The following PHF21B variants were observed in gnomAD, a reference collection of about 807,000 sequenced individuals.
PHF21B encodes the protein PHD finger protein 4.
A neutral mutation model predicts 62.2 loss-of-function variants in PHF21B; 22 were observed. The observed-to-expected ratio is 0.35, with a 90% CI of 0.25 to 0.51. The LOEUF is 0.51. Among genes scored for constraint, PHF21B ranks in the 20% least tolerant of loss-of-function variants. PHF21B has a pLI of 0.97. For missense variants in PHF21B, 701 were observed against 707.9 expected, an observed-to-expected ratio of 0.99 and a Z score of 0.11; for synonymous variants, 341 against 314.7, an observed-to-expected ratio of 1.08 and a Z score of -0.88.
rs1046219985 is a variant in PHF21B at position 44,975,621 on chromosome 22, G to A, written c.120+32924C>T. Among the ~76,000 whole-genome samples, 16 of 152,298 alleles carry A rather than the reference G, an allele frequency of 1.1e-4. 1 individual carries two copies. The highest frequency in any genetic ancestry group is 6.5e-4 in the Admixed American group (10 of 15,310). On this transcript the variant is annotated intron_variant, in intron 2 of 12. Coordinates refer to ENST00000313237, the MANE Select transcript of PHF21B (RefSeq NM_138415.5). ...CTTCTTCCAGCTCATCTCAGCCTAC[G>A]AGGAAGGCAGGAGGGAACCCAGGCT...
chr22:44,924,830 C>A (rs1039883049), intron 2 of PHF21B, among the ~76,000 whole-genome samples: 1 of 152,200 alleles, frequency 6.6e-6, no homozygotes, highest in Non-Finnish European at 1.5e-5. Context: ...AGGGAAGGCA[C>A]GTGTTCATAC....
chr22:44,885,949 G>A lies in PHF21B; in HGVS notation c.1198-11C>T. On this transcript the variant is annotated splice_polypyrimidine_tract_variant and intron_variant, in intron 10 of 12. Transcript: ENST00000313237. ...GTCTTTCTTTAAGGCCTGGGGAGCAGACGGGGAGATGAAAAAGTGGACAGG... is the reference window on the plus strand; with the variant it reads ...GTCTTTCTTTAAGGCCTGGGGAGCAAACGGGGAGATGAAAAAGTGGACAGG... The A allele has an allele frequency of 6.2e-7, 1 of 1,613,570 alleles. No individual in the cohort carries two copies. Among genetic ancestry groups the A allele is most frequent in the Non-Finnish European group, 8.5e-7 (1 of 1,179,786 alleles).
At chr22:44,916,247 C>A (rs112597407) in intron 4 of PHF21B, 33 bp downstream of exon 4, 2 of 1,592,638 alleles carry the variant, frequency 1.3e-6, no homozygotes, top group Non-Finnish European at 1.7e-6. Context: ...TGCGGCCGCA[C>A]ACCCTTTCCG....
intron 2 of PHF21B, among the ~76,000 whole-genome samples, chr22:44,994,431 G>A (rs930326971): frequency 3.3e-5 from 5 of 152,370 alleles, no homozygotes; most frequent in East Asian, 3.9e-4. Flanking sequence ...TCCAGAAGCC[G>A]CCAGGGGCTG....
chr22:44,898,195 C>A (rs985832815), intron 5 of PHF21B, among the ~76,000 whole-genome samples: 1 of 152,086 alleles, frequency 6.6e-6, no homozygotes, highest in Non-Finnish European at 1.5e-5. Flanking sequence ...CTCAGCTTGT[C>A]TTTTTTTGGT....
intron 2 of PHF21B, among the ~76,000 whole-genome samples, chr22:44,970,266 T>C (rs1224389289): frequency 2.0e-5 from 3 of 152,248 alleles, no homozygotes; most frequent in Admixed American, 6.5e-5. Context: ...TGTGACCTGC[T>C]CTGCACAGAA....
Position 45,009,390 on chromosome 22 carries a change from C to A in PHF21B, c.54+106G>T. 1 of 1,217,360 alleles carries A rather than the reference C, an allele frequency of 8.2e-7. No individual in the cohort carries two copies. Among genetic ancestry groups the A allele is most frequent in the Admixed American group, 2.8e-5 (1 of 35,186 alleles). The allele number at this position is 1,217,360 out of a possible 1,614,324, so 75.4% of individuals were successfully genotyped here. ...CCCCCGCCCCCGGGCAGGCTCCAGC[C>A]TGGAAGACCCAGAGACCCGGAAGAG... is the stretch of plus-strand genomic sequence containing the variant. On this transcript the variant is annotated intron_variant, in intron 1 of 12. Coordinates refer to ENST00000313237, the MANE Select transcript of PHF21B (RefSeq NM_138415.5). The surrounding 1 kb of genome is among the most constrained non-coding windows in gnomAD (Gnocchi z 5.9).
chr22:44,974,697 G>A (rs1396894955), intron 2 of PHF21B, among the ~76,000 whole-genome samples: 1 of 152,192 alleles, frequency 6.6e-6, no homozygotes, highest in Non-Finnish European at 1.5e-5. Context: ...AATTGGAGGA[G>A]AAAGAGAGCT....
chr22:44,993,687 G>T (rs892233966), intron 2 of PHF21B, among the ~76,000 whole-genome samples: 5 of 152,222 alleles, frequency 3.3e-5, no homozygotes, highest in African/African-American at 1.2e-4. Flanking sequence ...GAGCAACTTG[G>T]ACTCTTTACT....
intron 2 of PHF21B, among the ~76,000 whole-genome samples, chr22:44,939,865 C>T (rs1216862129): frequency 6.6e-6 from 1 of 152,062 alleles, no homozygotes; most frequent in Non-Finnish European, 1.5e-5. Context: ...GCAGGGAGAC[C>T]AGGAGGAGGT....
intron 5 of PHF21B, among the ~76,000 whole-genome samples, chr22:44,907,608 G>A (rs866356593): frequency 6.6e-6 from 1 of 152,214 alleles, no homozygotes; most frequent in African/African-American, 2.4e-5. Flanking sequence ...CAAAAGGACA[G>A]GCCCTTCAAG....
intron 5 of PHF21B, chr22:44,902,341 T>C: frequency 2.9e-6 from 1 of 341,654 alleles, no homozygotes; most frequent in Non-Finnish European, 5.9e-6. Flanking sequence ...TTTTACTGAG[T>C]ATCAAAGCTA....
At chr22:44,956,708 C>T (rs986321317) in intron 2 of PHF21B, among the ~76,000 whole-genome samples, 6 of 152,104 alleles carry the variant, frequency 3.9e-5, no homozygotes, top group Non-Finnish European at 5.9e-5. Flanking sequence ...GCCTGACCAC[C>T]GGAAAGGCCC....
chr22:44,992,636 G>A (rs998197274), intron 2 of PHF21B, among the ~76,000 whole-genome samples: 7 of 152,248 alleles, frequency 4.6e-5, no homozygotes, highest in African/African-American at 1.7e-4. Context: ...TCAGCCTGAG[G>A]CCGGCTCTGG....
At chr22:44,997,909 C>T (rs1190914184) in intron 2 of PHF21B, among the ~76,000 whole-genome samples, 1 of 152,240 alleles carries the variant, frequency 6.6e-6, no homozygotes, top group Non-Finnish European at 1.5e-5. Context: ...AAATTGCCAT[C>T]TCTCAGCTCC....
At chr22:44,914,464 G>A (rs1191127958) in intron 4 of PHF21B, among the ~76,000 whole-genome samples, 3 of 152,224 alleles carry the variant, frequency 2.0e-5, no homozygotes, top group Non-Finnish European at 2.9e-5. Context: ...GCACACTCAG[G>A]CGGCGAGGAC....
chr22:44,898,821 G>A (rs1257378806), intron 5 of PHF21B, among the ~76,000 whole-genome samples: 6 of 152,190 alleles, frequency 3.9e-5, no homozygotes, highest in South Asian at 2.1e-4. Flanking sequence ...TGGTGTGCCC[G>A]GTGTGAAGTC....
chr22:44,951,123 GT>G (rs566420801), intron 2 of PHF21B, among the ~76,000 whole-genome samples: 8 of 152,124 alleles, frequency 5.3e-5, no homozygotes, highest in Non-Finnish European at 1.2e-4. Context: ...CACAGATATG[GT>G]TTTGATATGA....
chr22:44,984,023 T>A (rs1478531399), intron 2 of PHF21B, among the ~76,000 whole-genome samples: 1 of 150,178 alleles, frequency 6.7e-6, no homozygotes, highest in Non-Finnish European at 1.5e-5. Context: ...GCCACCGCCA[T>A]CATCATTGGC....
Sources: gnomAD v4.1 joint callset for allele counts (sites outside exome capture counted in the v4.1 genomes callset) on GRCh38, gnomAD v4.1.1 for gene constraint, Gnocchi (gnomAD v3.1) non-coding constraint, MANE v1.5 for transcripts, NCBI Gene and HGNC (gene_info 2026-07-23, HGNC 2026-07-21) for gene names.